Variants in MBTD1 observed in about 807,000 individuals in gnomAD.
The protein encoded by MBTD1 is mbt domain containing 1.
Under a neutral mutation model 87.8 loss-of-function variants are expected in MBTD1, and 24 were observed. The observed-to-expected ratio is 0.27, with a 90% confidence interval of 0.20 to 0.38. MBTD1 has a LOEUF of 0.38. MBTD1 is among the 10% of genes least tolerant of loss of function. The pLI, the probability that MBTD1 is intolerant of heterozygous loss-of-function variation, is 1.00. For missense variants in MBTD1, 436 were observed against 760.2 expected (o/e 0.57, Z 5.02); for synonymous variants, 237 against 248.6 (o/e 0.95, Z 0.44).
Position 51,235,998 on chromosome 17 carries a change from T to A in MBTD1, c.-48-10789A>T, listed in dbSNP as rs997156688. Among the ~76,000 whole-genome samples the A allele has an allele frequency of 5.3e-5, 8 of 152,322 alleles. No individual in the cohort carries two copies. The East Asian group carries it at 5.8e-4, about 11-fold the overall frequency. On this transcript the variant is annotated intron_variant, in intron 2 of 16. Transcript: ENST00000586178. ...AAGAGTCCATAAATAGACCTCTATCTATCTATCGGTCTCTCTCTATATGTA... is the reference window on the plus strand; with the variant it reads ...AAGAGTCCATAAATAGACCTCTATCAATCTATCGGTCTCTCTCTATATGTA...
At chr17:51,221,341 A>G (rs1238665955) in intron 3 of MBTD1, among the ~76,000 whole-genome samples, 4 of 152,100 alleles carry the variant, frequency 2.6e-5, no homozygotes, top group African/African-American at 9.7e-5. Flanking sequence ...AAAACAAAAC[A>G]AGTTTGACGT....
intron 13 of MBTD1, among the ~76,000 whole-genome samples, 197 bp from the exon 14 acceptor site, chr17:51,193,707 C>T (rs552237959): frequency 1.1e-4 from 16 of 152,206 alleles, no homozygotes; most frequent in Non-Finnish European, 1.8e-4. Flanking sequence ...CAGCCTCAAC[C>T]TCCAGGGCTC....
rs1280316305 is a variant in MBTD1 at position 51,202,070 on chromosome 17, T to G, written c.1071A>C (p.Thr357=). The G allele has an allele frequency of 6.2e-7, 1 of 1,604,482 alleles. No individual in the cohort carries two copies. The highest frequency in any genetic ancestry group is 8.5e-7 in the Non-Finnish European group (1 of 1,172,634). Residue 357 remains threonine (T), a synonymous_variant, in exon 11 of 17, where the codon ACA becomes ACC. Transcript: ENST00000586178. ...IGHRFKRSDI[T]KKQDGHFDTP... is the part of the protein sequence containing the mutation. ...TATCAAAATGTCCATCCTGTTTCTT[T>G]GTAATATCTACAAGGAAAAGTTACA...
intron 15 of MBTD1, 84 bp downstream of exon 15, chr17:51,192,698 G>A: frequency 6.4e-7 from 1 of 1,571,764 alleles, no homozygotes; most frequent in South Asian, 1.2e-5. Context: ...TGTCCTGTGA[G>A]CTCATAAGAT....
intron 2 of MBTD1, among the ~76,000 whole-genome samples, chr17:51,247,913 C>T (rs1026810337): frequency 6.6e-6 from 1 of 152,118 alleles, no homozygotes; most frequent in Non-Finnish European, 1.5e-5. Flanking sequence ...GAAAATTGGT[C>T]TTATTTTCTT....
At position 51,229,285 on chromosome 17, in the gene MBTD1, C is replaced by T. The variant is rs542414227; in HGVS notation, c.-48-4076G>A. Among the ~76,000 whole-genome samples, 33 of 152,222 alleles carry T rather than the reference C, an allele frequency of 2.2e-4. No individual in the cohort carries two copies. The South Asian group carries it at 6.8e-3, about 32-fold the overall frequency. On this transcript the variant is annotated intron_variant, in intron 2 of 16. Transcript: ENST00000586178. ...TTTGGCACCTATCCTTTTTCTTTTG[C>T]TACACAGATACAGTTTTTTTTTTAA... is the stretch of plus-strand genomic sequence containing the variant.
intron 2 of MBTD1, chr17:51,256,543 CA>C (rs2055099382): frequency 6.6e-6 from 1 of 152,206 alleles, no homozygotes; most frequent in Non-Finnish European, 1.5e-5. Context: ...AGTATTTTAA[CA>C]AGAGCCTCCA....
chr17:51,253,558 G>A (rs925092232), intron 2 of MBTD1, among the ~76,000 whole-genome samples: 1 of 152,088 alleles, frequency 6.6e-6, no homozygotes, highest in Non-Finnish European at 1.5e-5. Flanking sequence ...CATATACACA[G>A]ATCAATATAT....
intron 2 of MBTD1, among the ~76,000 whole-genome samples, chr17:51,257,243 C>G (rs923338985): frequency 7.9e-5 from 12 of 152,278 alleles, no homozygotes; most frequent in Admixed American, 7.8e-4. Flanking sequence ...TTGAAACCCT[C>G]AGACTAATGA....
At chr17:51,231,674 C>A (rs2053557972) in intron 2 of MBTD1, among the ~76,000 whole-genome samples, 1 of 152,106 alleles carries the variant, frequency 6.6e-6, no homozygotes. Context: ...GGGGAATAAA[C>A]CCCTGGATGC....
chr17:51,210,172 T>C (rs2052093048), intron 6 of MBTD1, among the ~76,000 whole-genome samples: 1 of 152,038 alleles, frequency 6.6e-6, no homozygotes, highest in African/African-American at 2.4e-5. Context: ...TGGCTAATTT[T>C]TGTATTTTTA....
At chr17:51,216,445 A>G (rs1328221334) in intron 6 of MBTD1, among the ~76,000 whole-genome samples, 2 of 152,232 alleles carry the variant, frequency 1.3e-5, no homozygotes, top group East Asian at 1.9e-4. Flanking sequence ...AATTTTAAAC[A>G]TAATTCTAAA....
chr17:51,179,520 A>ATATATATATATATATT lies in MBTD1; in HGVS notation c.*1055_*1056insAATATATATATATATA, dbSNP rs2050227788. ...TATATATATATATATATATATATAT[A>ATATATATATATATATT]TATATATATATATATATGGAATTTT... On this transcript the variant is annotated 3_prime_UTR_variant, in exon 17 of 17. Coordinates refer to ENST00000586178, the MANE Select transcript of MBTD1 (RefSeq NM_017643.3). 1.1e-5 allele frequency: 1 copy of ATATATATATATATATT among 93,576 alleles called. No individual in the cohort carries two copies. Among genetic ancestry groups the ATATATATATATATATT allele is most frequent in the Non-Finnish European group, 2.1e-5 (1 of 46,674 alleles). 5.8% of individuals were successfully genotyped at this position (93,576 alleles called of 1,614,324 possible).
At chr17:51,238,075 T>G (rs548439903) in intron 2 of MBTD1, among the ~76,000 whole-genome samples, 1 of 152,140 alleles carries the variant, frequency 6.6e-6, no homozygotes, top group African/African-American at 2.4e-5. Flanking sequence ...GATCAGTAAT[T>G]ACCTGGGGAT....
rs200429894 is a variant in MBTD1 at position 51,233,668 on chromosome 17, A to AAAAAC, written c.-48-8464_-48-8460dup. ...ATGGGAACAAAGTTACATAAAAGAAAAAAACAAAACAAAACAAATTTCCAA... is the reference window on the plus strand; with the variant it reads ...ATGGGAACAAAGTTACATAAAAGAAAAAAACAAAACAAAACAAAACAAATTTCCAA... On this transcript the variant is annotated intron_variant, in intron 2 of 16. Transcript: ENST00000586178. Among the ~76,000 whole-genome samples, 1,284 of 152,238 alleles carry AAAAAC rather than the reference A, an allele frequency of 8.4e-3. 41 individuals carry two copies. The East Asian group carries it at 0.1, about 12-fold the overall frequency.
intron 14 of MBTD1, 107 bp downstream of exon 14, chr17:51,193,321 C>A: frequency 2.8e-6 from 2 of 716,296 alleles, no homozygotes; most frequent in South Asian, 2.0e-5. Context: ...TATATTATAT[C>A]TCCACTAAGA....
At chr17:51,224,981 G>C in intron 3 of MBTD1, 27 bp downstream of exon 3, 1 of 1,440,540 alleles carries the variant, frequency 6.9e-7, no homozygotes, top group Admixed American at 2.3e-5. Context: ...TAAAGCTGTA[G>C]AACAGGTGAA....
chr17:51,218,071 T>C (rs1399390501), intron 5 of MBTD1, among the ~76,000 whole-genome samples: 3 of 152,192 alleles, frequency 2.0e-5, no homozygotes, highest in Non-Finnish European at 4.4e-5. Flanking sequence ...CTCAGTGAGA[T>C]ACCTACCCCA....
intron 2 of MBTD1, among the ~76,000 whole-genome samples, chr17:51,246,933 C>A (rs1394063694): frequency 6.6e-6 from 1 of 152,226 alleles, no homozygotes; most frequent in Non-Finnish European, 1.5e-5. Context: ...AGTCACTGCA[C>A]CTGGCCATTT....
Sources: gnomAD v4.1 joint callset for allele counts (sites outside exome capture counted in the v4.1 genomes callset) on GRCh38, gnomAD v4.1.1 for gene constraint, MANE v1.5 for transcripts, NCBI Gene and HGNC (gene_info 2026-07-23, HGNC 2026-07-21) for gene names.